CLPB: variants seen among roughly 807,000 people sequenced by gnomAD.
CLPB encodes the protein ClpB family mitochondrial disaggregase, also known as mitochondrial disaggregase.
Under a neutral mutation model 78.4 loss-of-function variants are expected in CLPB, and 40 were observed. That is an observed-to-expected ratio of 0.51 (90% CI 0.40 to 0.66). CLPB has a LOEUF of 0.66. CLPB is among the 30% of genes least tolerant of loss of function. CLPB has a pLI of 0.00. For synonymous variants in CLPB, 333 were observed against 348.0 expected (o/e 0.96, Z 0.48); for missense variants, 780 against 886.9 (o/e 0.88, Z 1.53).
intron 5 of CLPB, among the ~76,000 whole-genome samples, chr11:72,344,385 T>A (rs1016138382): frequency 5.3e-5 from 8 of 151,894 alleles, no homozygotes; most frequent in African/African-American, 1.2e-4. Context: ...TTTTGTATTT[T>A]TTTTTTTGTA....
At chr11:72,417,050 C>T (rs1281464145) in intron 2 of CLPB, among the ~76,000 whole-genome samples, 2 of 152,096 alleles carry the variant, frequency 1.3e-5, no homozygotes, top group African/African-American at 4.8e-5. Context: ...ACTCTATGGC[C>T]CAGCAATTCC....
chr11:72,423,884 C>T (rs1222912279), intron 2 of CLPB, among the ~76,000 whole-genome samples: 2 of 152,230 alleles, frequency 1.3e-5, no homozygotes, highest in Non-Finnish European at 2.9e-5. Flanking sequence ...AATTTCTCCA[C>T]ATCTTTGAGT....
At position 72,292,690 on chromosome 11, in the gene CLPB, G is replaced by A. The variant is rs1328510182; in HGVS notation, c.*677C>T. ...TGAACCAGTCAGGCCTCCTCCTGGA[G>A]GTGCCCAACACTGGCCTAGTCCCCA... On this transcript the variant is annotated 3_prime_UTR_variant, in exon 16 of 16. Coordinates refer to ENST00000538039, the MANE Select transcript of CLPB (RefSeq NM_001258392.3). The A allele has an allele frequency of 6.6e-6, 1 of 152,418 alleles. No individual in the cohort carries two copies. The highest frequency in any genetic ancestry group is 1.5e-5 in the Non-Finnish European group (1 of 68,266). The allele number at this position is 152,418 out of a possible 1,614,324, so 9.4% of individuals were successfully genotyped here.
intron 2 of CLPB, among the ~76,000 whole-genome samples, chr11:72,414,418 A>C (rs2135120122): frequency 6.6e-6 from 1 of 152,366 alleles, no homozygotes; most frequent in East Asian, 1.9e-4. Context: ...AGTGAGACAC[A>C]AAAGTGGTTC....
chr11:72,415,950 A>G (rs1856009521), intron 2 of CLPB, among the ~76,000 whole-genome samples: 1 of 152,200 alleles, frequency 6.6e-6, no homozygotes, highest in Non-Finnish European at 1.5e-5. Context: ...TTGAAACCAC[A>G]GTTTAGGGAA....
intron 2 of CLPB, among the ~76,000 whole-genome samples, chr11:72,423,432 T>C (rs1856267947): frequency 6.6e-6 from 1 of 152,258 alleles, no homozygotes; most frequent in African/African-American, 2.4e-5. Flanking sequence ...GAATACTTAC[T>C]GTGTGGCAGG....
intron 2 of CLPB, chr11:72,412,122 A>T (rs1479476270): frequency 6.6e-6 from 1 of 151,936 alleles, no homozygotes; most frequent in Non-Finnish European, 1.5e-5. Flanking sequence ...CTGCTCATAG[A>T]CCCCCCAGCC....
At chr11:72,342,317 A>C (rs989750456) in intron 5 of CLPB, among the ~76,000 whole-genome samples, 5 of 152,238 alleles carry the variant, frequency 3.3e-5, no homozygotes, top group Non-Finnish European at 7.3e-5. Context: ...TAACAGAGTT[A>C]GACAAGGAAA....
intron 11 of CLPB, among the ~76,000 whole-genome samples, chr11:72,298,261 G>T (rs1024882925): frequency 6.6e-6 from 1 of 152,068 alleles, no homozygotes; most frequent in South Asian, 2.1e-4. Flanking sequence ...AACTAGACTG[G>T]GTAGGGGTGA....
At chr11:72,357,656 A>AT (rs1950744197) in intron 5 of CLPB, among the ~76,000 whole-genome samples, 1 of 143,158 alleles carries the variant, frequency 7.0e-6, no homozygotes, top group African/African-American at 2.6e-5. Context: ...AGATTGTGCC[A>AT]TTGCACTCCA....
intron 2 of CLPB, among the ~76,000 whole-genome samples, chr11:72,417,846 C>G (rs1158047207): frequency 6.6e-6 from 1 of 152,182 alleles, no homozygotes; most frequent in East Asian, 1.9e-4. Flanking sequence ...TGGGAAGGAT[C>G]CTGCCCCTCC....
chr11:72,421,574 C>A lies in CLPB; in HGVS notation c.455+8738G>T, dbSNP rs74344885. On this transcript the variant is annotated intron_variant, in intron 2 of 15. Coordinates refer to ENST00000538039, the MANE Select transcript of CLPB (RefSeq NM_001258392.3). The stretch of plus-strand genomic sequence containing the variant: ...TCAAAGATACTTTACAGTGGAGGCC[C>A]CCGAGGAAACTGAGAGACTAGCCCA... Among the ~76,000 whole-genome samples the A allele has an allele frequency of 9.0e-3, 1,366 of 152,236 alleles. 17 individuals carry two copies. The highest frequency in any genetic ancestry group is 0.032 in the African/African-American group (1,308 of 41,510).
intron 3 of CLPB, among the ~76,000 whole-genome samples, chr11:72,385,779 C>T (rs904717028): frequency 5.3e-5 from 8 of 152,130 alleles, no homozygotes; most frequent in Non-Finnish European, 4.4e-5. Flanking sequence ...GCCGAGATCG[C>T]GCCACTGCAT....
intron 2 of CLPB, among the ~76,000 whole-genome samples, chr11:72,416,757 A>G (rs1455623980): frequency 1.3e-5 from 2 of 150,680 alleles, no homozygotes; most frequent in South Asian, 2.1e-4. Flanking sequence ...AAAAAAAAAG[A>G]AAAAAGAATG....
chr11:72,430,683 T>C (rs1565104894), intron 1 of CLPB, among the ~76,000 whole-genome samples: 1 of 152,232 alleles, frequency 6.6e-6, no homozygotes, highest in Non-Finnish European at 1.5e-5. Context: ...AAGCTCTGCA[T>C]ATGCTTTATG....
chr11:72,379,472 G>T (rs908042113), intron 4 of CLPB, among the ~76,000 whole-genome samples: 24 of 152,100 alleles, frequency 1.6e-4, no homozygotes, highest in Non-Finnish European at 2.9e-5. Context: ...CACTTTGGAA[G>T]AAGTACTCAC....
At chr11:72,392,264 A>G (rs1855277120) in intron 3 of CLPB, among the ~76,000 whole-genome samples, 1 of 152,108 alleles carries the variant, frequency 6.6e-6, no homozygotes, top group East Asian at 1.9e-4. Flanking sequence ...GAAGACAAAG[A>G]GTGACCTCTT....
chr11:72,373,692 T>A (rs1420223502), intron 4 of CLPB, among the ~76,000 whole-genome samples: 1 of 152,218 alleles, frequency 6.6e-6, no homozygotes, highest in African/African-American at 2.4e-5. Flanking sequence ...ACCCCTGTAA[T>A]GCCAGCACTT....
chr11:72,404,630 A>T (rs1303959048), intron 2 of CLPB, among the ~76,000 whole-genome samples: 9 of 152,202 alleles, frequency 5.9e-5, no homozygotes, highest in Admixed American at 5.9e-4. Flanking sequence ...CAGTGGCCAA[A>T]AAGGCCTCTC....
Sources: allele counts gnomAD v4.1 joint callset (sites outside exome capture counted in the v4.1 genomes callset), GRCh38; gene constraint gnomAD v4.1.1; transcripts MANE v1.5; gene names NCBI Gene and HGNC (gene_info 2026-07-23, HGNC 2026-07-21).